MYO3B: variants seen among roughly 807,000 people sequenced by gnomAD.
MYO3B encodes the protein myosin-IIIb.
Under a neutral mutation model 174.6 loss-of-function variants are expected in MYO3B, and 156 were observed. The ratio of observed to expected loss-of-function variants is 0.89; its 90% CI spans 0.78 to 1.02. The LOEUF is 1.02. Ranked by LOEUF, MYO3B falls within the 50% of genes least tolerant of loss-of-function variation. The probability of loss-of-function intolerance (pLI) is 0.00; values close to 1 mark genes in which losing one functional copy is unlikely to be tolerated. For missense variants in MYO3B, 1,632 were observed against 1,639.4 expected, an observed-to-expected ratio of 1.00 and a Z score of 0.08; for synonymous variants, 563 against 569.1, an observed-to-expected ratio of 0.99 and a Z score of 0.15.
At chr2:170,332,155 A>G (rs1256830028) in intron 7 of MYO3B, 1 of 152,176 alleles carries the variant, frequency 6.6e-6, no homozygotes, top group East Asian at 1.9e-4. Flanking sequence ...CAGGTTTCTG[A>G]CTTCAACAAC....
At chr2:170,467,038 G>C (rs1684683554) in intron 25 of MYO3B, among the ~76,000 whole-genome samples, 1 of 152,140 alleles carries the variant, frequency 6.6e-6, no homozygotes, top group African/African-American at 2.4e-5. Context: ...GGATTTGAAT[G>C]CACCCAAGCA....
chr2:170,599,296 G>A (rs1694343966), intron 32 of MYO3B, among the ~76,000 whole-genome samples: 1 of 152,172 alleles, frequency 6.6e-6, no homozygotes, highest in Non-Finnish European at 1.5e-5. Context: ...CAAAGGAGAG[G>A]CATTTCAGAA....
At position 170,200,247 on chromosome 2, in the gene MYO3B, A is replaced by T. The variant is rs201823005; in HGVS notation, c.284A>T (p.Asp95Val). ...TTTTATGGGATGTTTTACAAAGCGG[A>T]TCACTGTGTAGGGGGACAGCTGTGG... The part of the protein sequence containing the change: ...VKFYGMFYKA[D>V]HCVGGQLWLV... Residue 95 changes from aspartate (D) to valine (V), a missense_variant, in exon 3 of 35, where the codon GAT becomes GTT. By Grantham distance (152) the Asp-to-Val change is radical (BLOSUM62 -3). Transcript: ENST00000408978. 7 of 1,613,246 alleles carry T rather than the reference A, an allele frequency of 4.3e-6. No individual in the cohort carries two copies. Among genetic ancestry groups the T allele is most frequent in the Non-Finnish European group, 4.2e-6 (5 of 1,179,606 alleles).
chr2:170,460,021 G>C (rs556666877), intron 23 of MYO3B, among the ~76,000 whole-genome samples: 4 of 151,978 alleles, frequency 2.6e-5, no homozygotes, highest in Admixed American at 2.6e-4. Flanking sequence ...TTACCTCCCC[G>C]CAAGCAGAAG....
intron 32 of MYO3B, among the ~76,000 whole-genome samples, chr2:170,576,611 G>A (rs752186057): frequency 2.0e-5 from 3 of 152,210 alleles, no homozygotes; most frequent in East Asian, 3.8e-4. Flanking sequence ...TTATTAGGAC[G>A]AGAAAGAAAG....
chr2:170,520,687 T>G (rs1225173059), intron 30 of MYO3B, among the ~76,000 whole-genome samples: 1 of 152,118 alleles, frequency 6.6e-6, no homozygotes, highest in Non-Finnish European at 1.5e-5. Context: ...AGAGCTTGCC[T>G]TTCAGTGACC....
chr2:170,536,674 T>C (rs1689700319), intron 30 of MYO3B, among the ~76,000 whole-genome samples: 1 of 152,234 alleles, frequency 6.6e-6, no homozygotes, highest in Non-Finnish European at 1.5e-5. Flanking sequence ...AAGTACAAAT[T>C]AAAATAATAG....
intron 5 of MYO3B, among the ~76,000 whole-genome samples, chr2:170,216,485 T>G (rs200349786): frequency 1.3e-5 from 2 of 152,312 alleles, no homozygotes; most frequent in East Asian, 3.9e-4. Flanking sequence ...ATAATTGGGA[T>G]GGAAAACATT....
intron 7 of MYO3B, among the ~76,000 whole-genome samples, chr2:170,293,066 T>C (rs2093606238): frequency 6.6e-6 from 1 of 152,120 alleles, no homozygotes; most frequent in South Asian, 2.1e-4. Flanking sequence ...GATTTGGAAG[T>C]CCAACTCTTT....
chr2:170,463,487 A>C (rs12477518), intron 24 of MYO3B, 42 bp downstream of exon 24: 880,097 of 1,573,936 alleles, frequency 0.56, 255,675 homozygotes, highest in Non-Finnish European at 0.61. Flanking sequence ...GCTTCCAAAA[A>C]GGACTGTCTA....
chr2:170,509,323 C>T (rs1392609646), intron 28 of MYO3B, among the ~76,000 whole-genome samples: 3 of 152,192 alleles, frequency 2.0e-5, no homozygotes, highest in Non-Finnish European at 4.4e-5. Flanking sequence ...CACCACTGCA[C>T]TCCAATCTGG....
intron 30 of MYO3B, among the ~76,000 whole-genome samples, chr2:170,520,474 T>TAC (rs979803113): frequency 1.1e-4 from 16 of 151,024 alleles, no homozygotes; most frequent in African/African-American, 3.9e-4. Flanking sequence ...CACATATATA[T>TAC]ACACATATAT....
At chr2:170,312,333 G>A (rs148404697) in intron 7 of MYO3B, among the ~76,000 whole-genome samples, 7 of 152,354 alleles carry the variant, frequency 4.6e-5, no homozygotes, top group East Asian at 1.9e-4. Flanking sequence ...TCCAGACAGC[G>A]TTTACTTAAT....
chr2:170,435,419 G>C (rs976480225), intron 22 of MYO3B, among the ~76,000 whole-genome samples: 2 of 152,206 alleles, frequency 1.3e-5, no homozygotes, highest in African/African-American at 4.8e-5. Context: ...CTTTCAGGAA[G>C]TTTCTGTAAT....
intron 3 of MYO3B, among the ~76,000 whole-genome samples, chr2:170,207,049 A>G (rs2092720114): frequency 6.6e-6 from 1 of 152,148 alleles, no homozygotes; most frequent in African/African-American, 2.4e-5. Context: ...CTACCTCACC[A>G]TGCCATACTT....
chr2:170,356,770 T>A (rs999716703), intron 8 of MYO3B, among the ~76,000 whole-genome samples: 1 of 152,180 alleles, frequency 6.6e-6, no homozygotes, highest in South Asian at 2.1e-4. Flanking sequence ...TATTTATTTT[T>A]ATTTTTATCT....
intron 7 of MYO3B, among the ~76,000 whole-genome samples, chr2:170,307,318 T>C (rs942895381): frequency 3.9e-5 from 6 of 152,010 alleles, no homozygotes; most frequent in Admixed American, 6.6e-5. Flanking sequence ...TATTTGCTTT[T>C]CTCTTGACTA....
chr2:170,501,831 C>T lies in MYO3B; in HGVS notation c.3336C>T (p.Asn1112=), dbSNP rs750982605. Residue 1112 remains asparagine, a synonymous_variant, in exon 28 of 35, where the codon AAC becomes AAT. Transcript: ENST00000408978. The part of the protein sequence containing the change: ...DARRKFKKIS[N]RRNESAAHNQ... Reference sequence around the variant, plus strand: ...GGAGGAAATTTAAGAAAATAAGCAACAGAAGGAATGAGTCTGCTGCTCATA... The same window carrying T: ...GGAGGAAATTTAAGAAAATAAGCAATAGAAGGAATGAGTCTGCTGCTCATA... 1.2e-6 allele frequency: 2 copies of T among 1,612,624 alleles called. No individual in the cohort carries two copies. Among genetic ancestry groups the T allele is most frequent in the South Asian group, 1.1e-5 (1 of 91,024 alleles).
chr2:170,603,090 C>CA (rs143598500), intron 32 of MYO3B, among the ~76,000 whole-genome samples: 5,081 of 151,096 alleles, frequency 0.034, 107 homozygotes, highest in Middle Eastern at 0.051. Context: ...AAACAAAAAA[C>CA]AAAAAAAAAC....
Sources: allele counts gnomAD v4.1 joint callset (sites outside exome capture counted in the v4.1 genomes callset), GRCh38; gene constraint gnomAD v4.1.1; transcripts MANE v1.5; gene names NCBI Gene and HGNC (gene_info 2026-07-23, HGNC 2026-07-21).